Variants in GPR158 observed in about 807,000 individuals in gnomAD.
GPR158 encodes G protein-coupled receptor 158.
Under a neutral mutation model 78.2 loss-of-function variants are expected in GPR158, and 30 were observed. The observed-to-expected ratio is 0.38, with a 90% CI of 0.29 to 0.52. GPR158 has a LOEUF of 0.52. Ranked by LOEUF, GPR158 falls within the 20% of genes least tolerant of loss-of-function variation. The pLI, the probability that GPR158 is intolerant of heterozygous loss-of-function variation, is 0.83. For synonymous variants in GPR158, 581 were observed against 591.1 expected (o/e 0.98, Z 0.25); for missense variants, 1,463 against 1,523.5 (o/e 0.96, Z 0.66).
chr10:25,573,156 G>T (rs1837035451), intron 7 of GPR158, among the ~76,000 whole-genome samples: 1 of 152,188 alleles, frequency 6.6e-6, no homozygotes, highest in South Asian at 2.1e-4. Flanking sequence ...GGCAACTTCT[G>T]TGTATAAAGA....
intron 2 of GPR158, among the ~76,000 whole-genome samples, chr10:25,357,799 C>A (rs1855574322): frequency 6.6e-6 from 1 of 152,086 alleles, no homozygotes; most frequent in African/African-American, 2.4e-5. Flanking sequence ...ACAGTCCCTA[C>A]TGGGGCACTG....
intron 2 of GPR158, among the ~76,000 whole-genome samples, chr10:25,260,240 T>G (rs974641948): frequency 6.6e-6 from 1 of 152,142 alleles, no homozygotes; most frequent in African/African-American, 2.4e-5. Context: ...ACCTGACAAT[T>G]ACAGTGCTTG....
At chr10:25,557,323 C>T (rs1218723009) in intron 6 of GPR158, among the ~76,000 whole-genome samples, 5 of 152,190 alleles carry the variant, frequency 3.3e-5, no homozygotes, top group Non-Finnish European at 5.9e-5. Context: ...TTCCTGCATT[C>T]GTCTTCTCTT....
intron 2 of GPR158, among the ~76,000 whole-genome samples, chr10:25,356,501 G>A (rs1855554336): frequency 6.6e-6 from 1 of 152,002 alleles, no homozygotes; most frequent in African/African-American, 2.4e-5. Context: ...ACTTGTTGTG[G>A]GAGGGACCAG....
At chr10:25,327,078 G>A (rs897674025) in intron 2 of GPR158, among the ~76,000 whole-genome samples, 4 of 152,130 alleles carry the variant, frequency 2.6e-5, no homozygotes, top group Non-Finnish European at 5.9e-5. Flanking sequence ...GCCAAGGAAT[G>A]TCTGTATCTA....
At chr10:25,395,387 T>C (rs573512446) in intron 2 of GPR158, among the ~76,000 whole-genome samples, 1 of 152,282 alleles carries the variant, frequency 6.6e-6, no homozygotes, top group African/African-American at 2.4e-5. Context: ...ATTTACTTGT[T>C]TTATTATTTT....
intron 5 of GPR158, among the ~76,000 whole-genome samples, chr10:25,474,531 T>C (rs541204790): frequency 6.6e-6 from 1 of 152,300 alleles, no homozygotes; most frequent in African/African-American, 2.4e-5. Context: ...TGAGTCAGAT[T>C]CCTTGCAATA....
At chr10:25,256,436 G>A (rs187870334) in intron 2 of GPR158, among the ~76,000 whole-genome samples, 5 of 152,226 alleles carry the variant, frequency 3.3e-5, no homozygotes, top group African/African-American at 4.8e-5. Context: ...AAGATCACGC[G>A]AGGCCAGGAG....
intron 8 of GPR158, among the ~76,000 whole-genome samples, chr10:25,592,903 CA>C (rs113359370): frequency 0.013 from 825 of 62,478 alleles, 2 homozygotes; most frequent in Non-Finnish European, 0.015. Flanking sequence ...TATTTCAATG[CA>C]AAAAAAAAAA....
intron 1 of GPR158, among the ~76,000 whole-genome samples, chr10:25,220,098 TG>T (rs1564394548): frequency 6.6e-6 from 1 of 152,186 alleles, no homozygotes; most frequent in Non-Finnish European, 1.5e-5. Context: ...GCCTCAAAAA[TG>T]TGTTTTTACT....
intron 5 of GPR158, among the ~76,000 whole-genome samples, chr10:25,530,211 TGAAAAGTGTTATTAAAAAAACAAACACA>T (rs1836405760): frequency 6.6e-6 from 1 of 151,906 alleles, no homozygotes; most frequent in African/African-American, 2.4e-5. Context: ...ATGAGAAAAG[TGAAAAGTGTTATTAAAAAAACAAACACA>T]GAACTCCAAG....
At chr10:25,455,744 CAT>C (rs1461533398) in intron 4 of GPR158, among the ~76,000 whole-genome samples, 1 of 152,046 alleles carries the variant, frequency 6.6e-6, no homozygotes, top group Non-Finnish European at 1.5e-5. Context: ...GTAATTGCAA[CAT>C]ATTAATAATT....
chr10:25,450,382 T>G (rs1835198567), intron 4 of GPR158, among the ~76,000 whole-genome samples: 2 of 67,270 alleles, frequency 3.0e-5, no homozygotes, highest in African/African-American at 2.8e-4. Flanking sequence ...TTTTTCACGT[T>G]TTTTTTTTTT....
intron 6 of GPR158, among the ~76,000 whole-genome samples, chr10:25,567,027 G>A (rs1405211895): frequency 6.6e-6 from 1 of 152,094 alleles, no homozygotes; most frequent in Non-Finnish European, 1.5e-5. Context: ...CTACGAACAT[G>A]GTAAGATTAA....
intron 1 of GPR158, among the ~76,000 whole-genome samples, chr10:25,193,098 T>C (rs1282302734): frequency 6.6e-6 from 1 of 152,218 alleles, no homozygotes; most frequent in Non-Finnish European, 1.5e-5. Flanking sequence ...AGCACCTGTA[T>C]ATTACATGCA....
intron 2 of GPR158, among the ~76,000 whole-genome samples, chr10:25,331,538 C>A (rs1855122188): frequency 6.6e-6 from 1 of 152,142 alleles, no homozygotes; most frequent in Non-Finnish European, 1.5e-5. Flanking sequence ...GAACCCGTAG[C>A]AGAAAAAGAG....
chr10:25,301,933 A>C (rs148652490), intron 2 of GPR158, among the ~76,000 whole-genome samples: 314 of 152,260 alleles, frequency 2.1e-3, no homozygotes, highest in African/African-American at 7.2e-3. Context: ...GATTTCTATC[A>C]CTATGGATTT....
intron 2 of GPR158, among the ~76,000 whole-genome samples, chr10:25,223,873 C>A (rs1287478170): frequency 6.6e-6 from 1 of 152,134 alleles, no homozygotes; most frequent in Non-Finnish European, 1.5e-5. Context: ...GAGAAAGTTA[C>A]AAATTTCAAA....
chr10:25,549,942 G>A (rs577818724), intron 5 of GPR158, among the ~76,000 whole-genome samples: 3 of 152,172 alleles, frequency 2.0e-5, no homozygotes, highest in Non-Finnish European at 4.4e-5. Flanking sequence ...CTTGCTTTTA[G>A]CAGAAACAGT....
Sources: allele counts gnomAD v4.1 joint callset (sites outside exome capture counted in the v4.1 genomes callset), GRCh38; gene constraint gnomAD v4.1.1; transcripts MANE v1.5; gene names NCBI Gene and HGNC (gene_info 2026-07-23, HGNC 2026-07-21).